The following PCDHGA2 variants were observed in gnomAD, a reference collection of about 807,000 sequenced individuals.
PCDHGA2 encodes the protein protocadherin gamma subfamily A, 2.
Under a neutral mutation model 59.2 loss-of-function variants are expected in PCDHGA2, and 40 were observed. The observed-to-expected ratio is 0.68, with a 90% CI of 0.52 to 0.88. PCDHGA2 has a LOEUF of 0.88. Among genes scored for constraint, PCDHGA2 ranks in the 40% least tolerant of loss-of-function variants. The pLI is 0.00. For synonymous variants in PCDHGA2, 560 were observed against 526.0 expected (o/e 1.06, Z -0.89); for missense variants, 1,226 against 1,204.0 (o/e 1.02, Z -0.27).
At position 141,409,172 on chromosome 5, in the gene PCDHGA2, G is replaced by T. The variant is rs574905228; in HGVS notation, c.2424+67777G>T. ...CACCATGGAAGTGGAAGCGAAGGAC[G>T]GAGGTGGTCTCTCTACCCAGTGTAA... On this transcript the variant is annotated intron_variant, in intron 1 of 3. Coordinates refer to ENST00000394576, the MANE Select transcript of PCDHGA2 (RefSeq NM_018915.4). The T allele has an allele frequency of 1.4e-5, 22 of 1,614,006 alleles. No homozygotes were observed. In the South Asian group the frequency reaches 2.4e-4, roughly 18 times the overall value.
At chr5:141,361,682 C>T in intron 1 of PCDHGA2, 1 of 1,613,584 alleles carries the variant, frequency 6.2e-7, no homozygotes. Context: ...GTGGTGTTCG[C>T]GCAGCGCGCC....
chr5:141,505,486 G>A lies in PCDHGA2; in HGVS notation c.2572+5G>A, dbSNP rs1291166546. The A allele has an allele frequency of 1.8e-5, 29 of 1,614,088 alleles. No homozygotes were observed. The highest frequency in any genetic ancestry group is 2.1e-5 in the Non-Finnish European group (25 of 1,180,018). On this transcript the variant is annotated splice_donor_5th_base_variant and intron_variant, in intron 3 of 3. Transcript: ENST00000394576. ...TGATCTTGGCGTCCGCCAGTGGTAA[G>A]TGGTGTCAGTGTGTGTATGGAAGAG...
At chr5:141,365,060 C>G (rs750087491) in intron 1 of PCDHGA2, 1 of 1,613,874 alleles carries the variant, frequency 6.2e-7, no homozygotes, top group Admixed American at 1.7e-5. Context: ...CCTGTTCACC[C>G]CATCCGAGTA....
chr5:141,368,854 T>C (rs1426770284), intron 1 of PCDHGA2, among the ~76,000 whole-genome samples: 1 of 152,192 alleles, frequency 6.6e-6, no homozygotes, highest in Non-Finnish European at 1.5e-5. Context: ...GCACTTGCTT[T>C]GGAATGTTTT....
At chr5:141,366,546 ACT>A (rs1213982480) in intron 1 of PCDHGA2, 6 of 1,614,216 alleles carry the variant, frequency 3.7e-6, no homozygotes, top group Non-Finnish European at 5.1e-6. Context: ...CCCGCCTCGC[ACT>A]TTGTGGGCGT....
chr5:141,509,809 A>G (rs13163163), intron 3 of PCDHGA2, among the ~76,000 whole-genome samples: 35,240 of 151,962 alleles, frequency 0.23, 4,247 homozygotes, highest in Admixed American at 0.33. Context: ...CATAGAGCCG[A>G]GCTCTTCTCC....
chr5:141,399,146 G>A, intron 1 of PCDHGA2: 4 of 1,613,792 alleles, frequency 2.5e-6, no homozygotes, highest in Non-Finnish European at 3.4e-6. Context: ...AATGACAATA[G>A]CCCAGAAGTT....
In PCDHGA2 at chr5:141,356,625, T is replaced by C. The variant is rs763961659; in HGVS notation, c.2424+15230T>C. 15 of 1,614,096 alleles carry C rather than the reference T, an allele frequency of 9.3e-6. No homozygotes were observed. The Middle Eastern group carries it at 4.9e-4, about 53-fold the overall frequency. ...GAGGAGCCTCCATCTTATCTATGAC[T>C]GCTCAAGACCCTGACAGTGGTGACA... On this transcript the variant is annotated intron_variant, in intron 1 of 3. Transcript: ENST00000394576.
At chr5:141,473,450 T>A (rs2099322542) in intron 1 of PCDHGA2, among the ~76,000 whole-genome samples, 2 of 152,150 alleles carry the variant, frequency 1.3e-5, no homozygotes, top group South Asian at 4.1e-4. Flanking sequence ...AAAATAATTA[T>A]AAAATTTAAA....
At chr5:141,363,513 T>C (rs995820646) in intron 1 of PCDHGA2, among the ~76,000 whole-genome samples, 1 of 152,210 alleles carries the variant, frequency 6.6e-6, no homozygotes, top group Non-Finnish European at 1.5e-5. Context: ...TCCTCCACAG[T>C]TACTATACTG....
intron 1 of PCDHGA2, chr5:141,410,680 G>A: frequency 6.5e-7 from 1 of 1,535,692 alleles, no homozygotes; most frequent in Non-Finnish European, 8.7e-7. Flanking sequence ...TCATATTTTA[G>A]GCATACTACT....
chr5:141,422,898 C>T (rs2096684110), intron 1 of PCDHGA2: 2 of 1,614,250 alleles, frequency 1.2e-6, no homozygotes, highest in Middle Eastern at 1.6e-4. Flanking sequence ...TGGACCAGAA[C>T]GACAATGCGC....
intron 1 of PCDHGA2, chr5:141,389,172 C>T: frequency 3.1e-6 from 5 of 1,614,036 alleles, no homozygotes; most frequent in Non-Finnish European, 4.2e-6. Context: ...CAAGCCTCCC[C>T]TCTCCTCCAG....
intron 1 of PCDHGA2, chr5:141,403,105 C>G (rs1226095779): frequency 6.2e-7 from 1 of 1,614,056 alleles, no homozygotes; most frequent in East Asian, 2.2e-5. Context: ...TCTCCAAGGA[C>G]CTGGCTCTGG....
chr5:141,400,189 C>T (rs376855933), intron 1 of PCDHGA2: 52 of 1,613,938 alleles, frequency 3.2e-5, no homozygotes, highest in Non-Finnish European at 4.2e-5. Flanking sequence ...GCAGTTTTAC[C>T]TAGTGGTGGC....
chr5:141,360,353 A>G, intron 1 of PCDHGA2: 1 of 1,613,928 alleles, frequency 6.2e-7, no homozygotes, highest in Non-Finnish European at 8.5e-7. Context: ...GCGGAGAAGG[A>G]ATATTTCACA....
chr5:141,418,370 C>G (rs910813828), intron 1 of PCDHGA2: 1 of 1,613,822 alleles, frequency 6.2e-7, no homozygotes, highest in African/African-American at 1.3e-5. Flanking sequence ...GAGCAAATAC[C>G]AACTAAGTCC....
intron 1 of PCDHGA2, among the ~76,000 whole-genome samples, chr5:141,348,697 G>A (rs1346468171): frequency 6.6e-6 from 1 of 151,962 alleles, no homozygotes; most frequent in Non-Finnish European, 1.5e-5. Flanking sequence ...TTGAAGAATG[G>A]GCAAGAATCC....
chr5:141,355,718 A>C, intron 1 of PCDHGA2: 2 of 1,613,990 alleles, frequency 1.2e-6, no homozygotes, highest in South Asian at 1.1e-5. Context: ...TACCAGCTCA[A>C]CTCAAACGGT....
Sources: allele counts gnomAD v4.1 joint callset (sites outside exome capture counted in the v4.1 genomes callset), GRCh38; gene constraint gnomAD v4.1.1; transcripts MANE v1.5; gene names NCBI Gene and HGNC (gene_info 2026-07-23, HGNC 2026-07-21).